Variants in EYS observed in about 807,000 individuals in gnomAD.
The protein encoded by EYS is protein eyes shut homolog.
Under a neutral mutation model 282.1 loss-of-function variants are expected in EYS, and 250 were observed. The ratio of observed to expected loss-of-function variants is 0.89; its 90% CI spans 0.80 to 0.98. The LOEUF is 0.98. EYS is among the 50% of genes least tolerant of loss of function. The pLI is 0.00. For synonymous variants in EYS, 1,355 were observed against 1,282.9 expected (o/e 1.06, Z -1.20); for missense variants, 4,016 against 3,709.0 (o/e 1.08, Z -2.15).
At chr6:65,355,637 A>G (rs1385775227) in intron 8 of EYS, among the ~76,000 whole-genome samples, 1 of 152,092 alleles carries the variant, frequency 6.6e-6, no homozygotes, top group African/African-American at 2.4e-5. Flanking sequence ...TCAAAATACA[A>G]CCAAATAACC....
chr6:64,598,387 C>G (rs1162383), intron 24 of EYS, among the ~76,000 whole-genome samples: 18,642 of 152,108 alleles, frequency 0.12, 1,180 homozygotes, highest in East Asian at 0.17. Context: ...CGTGAACCTG[C>G]GAGGCGGAGC....
At chr6:64,406,739 C>A (rs953261566) in intron 28 of EYS, among the ~76,000 whole-genome samples, 16 of 152,154 alleles carry the variant, frequency 1.1e-4, no homozygotes, top group African/African-American at 3.6e-4. Flanking sequence ...AAATGCAAAT[C>A]AAATCTGCAA....
intron 35 of EYS, among the ~76,000 whole-genome samples, chr6:63,865,432 C>T (rs188812094): frequency 2.1e-4 from 32 of 151,260 alleles, no homozygotes; most frequent in Admixed American, 1.8e-3. Context: ...GATTTTGTCA[C>T]TTGAAGTTAA....
chr6:65,109,427 T>C (rs1311838654), intron 12 of EYS, among the ~76,000 whole-genome samples: 1 of 152,108 alleles, frequency 6.6e-6, no homozygotes, highest in Non-Finnish European at 1.5e-5. Flanking sequence ...TTTGGTAGGA[T>C]TGAACTGCAA....
intron 22 of EYS, among the ~76,000 whole-genome samples, chr6:64,677,599 T>C (rs899758233): frequency 6.6e-6 from 1 of 152,170 alleles, no homozygotes; most frequent in South Asian, 2.1e-4. Context: ...TTTTATAGTT[T>C]GGTAATTTTC....
intron 8 of EYS, among the ~76,000 whole-genome samples, chr6:65,355,992 A>T (rs1285998346): frequency 6.6e-6 from 1 of 152,130 alleles, no homozygotes; most frequent in East Asian, 1.9e-4. Flanking sequence ...TGCGCAAAGG[A>T]AAAGAAATCA....
chr6:64,086,768 A>G (rs1442432096), intron 31 of EYS, among the ~76,000 whole-genome samples: 1 of 152,204 alleles, frequency 6.6e-6, no homozygotes, highest in Non-Finnish European at 1.5e-5. Context: ...GGATGAAGGC[A>G]GTGAAGTGAC....
chr6:65,331,744 A>G, intron 11 of EYS: 1 of 980,636 alleles, frequency 1.0e-6, no homozygotes, highest in Non-Finnish European at 1.2e-6. Context: ...GTATTTGTTG[A>G]GCACTATTCT....
intron 2 of EYS, among the ~76,000 whole-genome samples, chr6:65,564,599 C>G (rs1356436994): frequency 3.3e-5 from 5 of 152,120 alleles, no homozygotes; most frequent in African/African-American, 9.7e-5. Flanking sequence ...GGACCCCTTC[C>G]TTACACCTTA....
chr6:64,625,124 C>T (rs1042109884), intron 23 of EYS, among the ~76,000 whole-genome samples: 2 of 151,822 alleles, frequency 1.3e-5, no homozygotes, highest in African/African-American at 4.8e-5. Flanking sequence ...ATTGAACATC[C>T]GTTTTGGGTT....
At chr6:64,702,395 A>G (rs1039171086) in intron 22 of EYS, among the ~76,000 whole-genome samples, 3 of 152,146 alleles carry the variant, frequency 2.0e-5, no homozygotes, top group East Asian at 1.9e-4. Context: ...ACAAACACAT[A>G]TAACTATGTA....
chr6:64,925,000 C>A (rs1022012143), intron 15 of EYS, among the ~76,000 whole-genome samples: 2 of 152,134 alleles, frequency 1.3e-5, no homozygotes, highest in African/African-American at 2.4e-5. Context: ...TCAGCAGCAC[C>A]CCATTCTACT....
intron 12 of EYS, among the ~76,000 whole-genome samples, chr6:65,075,880 C>T (rs1448672799): frequency 6.6e-6 from 1 of 151,844 alleles, no homozygotes; most frequent in Admixed American, 6.6e-5. Flanking sequence ...TATTTCCTGG[C>T]AGGCAACTAC....
At chr6:64,548,772 T>C (rs931837284) in intron 26 of EYS, among the ~76,000 whole-genome samples, 1 of 152,066 alleles carries the variant, frequency 6.6e-6, no homozygotes, top group Non-Finnish European at 1.5e-5. Context: ...GGCACATGTA[T>C]ACATATGTAA....
At chr6:64,163,679 C>A (rs1231246216) in intron 31 of EYS, among the ~76,000 whole-genome samples, 1 of 151,974 alleles carries the variant, frequency 6.6e-6, no homozygotes, top group Non-Finnish European at 1.5e-5. Flanking sequence ...ATATTTTGCA[C>A]ATGGTACTTA....
chr6:64,776,036 T>C (rs1045107029), intron 22 of EYS, among the ~76,000 whole-genome samples: 3 of 152,060 alleles, frequency 2.0e-5, no homozygotes, highest in Admixed American at 1.3e-4. Flanking sequence ...GGATTGCTGA[T>C]GTCTATAAAA....
At chr6:64,150,805 G>A (rs936313578) in intron 31 of EYS, among the ~76,000 whole-genome samples, 1 of 152,098 alleles carries the variant, frequency 6.6e-6, no homozygotes, top group Admixed American at 6.6e-5. Flanking sequence ...AGACCCTCTC[G>A]ATGTCAAGAA....
intron 18 of EYS, among the ~76,000 whole-genome samples, chr6:64,888,526 A>G (rs149077786): frequency 1.5e-3 from 223 of 152,144 alleles, no homozygotes; most frequent in Middle Eastern, 3.4e-3. Context: ...TCAGTTGGAC[A>G]GAAGGCATTA....
chr6:64,287,105 T>A lies in EYS; in HGVS notation c.6191+19865A>T, dbSNP rs570397505. On this transcript the variant is annotated intron_variant, in intron 30 of 42. Coordinates refer to ENST00000503581, the MANE Select transcript of EYS (RefSeq NM_001142800.2). ...CAGGTTAGTTCTAAAGCTCAATTGT[T>A]CATTAGAAGTTAAAACTATGTACAT... Among the ~76,000 whole-genome samples, 5 of 152,264 alleles carry A rather than the reference T, an allele frequency of 3.3e-5. No individual in the cohort carries two copies. In the South Asian group the frequency reaches 1.0e-3, roughly 32 times the overall value.
Sources: gnomAD v4.1 joint callset for allele counts (sites outside exome capture counted in the v4.1 genomes callset) on GRCh38, gnomAD v4.1.1 for gene constraint, MANE v1.5 for transcripts, NCBI Gene and HGNC (gene_info 2026-07-23, HGNC 2026-07-21) for gene names.